The following MTA3 variants were observed in gnomAD, a reference collection of about 807,000 sequenced individuals.
MTA3 encodes metastasis associated 1 family member 3.
Under a neutral mutation model 83.5 loss-of-function variants are expected in MTA3, and 34 were observed. The observed-to-expected ratio is 0.41, with a 90% confidence interval of 0.31 to 0.54. The LOEUF (loss-of-function observed/expected upper bound fraction) is 0.54, where lower values mean the gene tolerates loss of function less well. Among genes scored for constraint, MTA3 ranks in the 20% least tolerant of loss-of-function variants. MTA3 has a pLI of 0.33. For missense variants in MTA3, 761 were observed against 726.4 expected, an observed-to-expected ratio of 1.05 and a Z score of -0.55; for synonymous variants, 303 against 252.7, an observed-to-expected ratio of 1.20 and a Z score of -1.89.
At chr2:42,719,859 A>G (rs1667281173) in intron 15 of MTA3, among the ~76,000 whole-genome samples, 1 of 152,226 alleles carries the variant, frequency 6.6e-6, no homozygotes, top group Non-Finnish European at 1.5e-5. Context: ...TTGTTTAAAC[A>G]AAGTTTTAAG....
intron 2 of MTA3, among the ~76,000 whole-genome samples, chr2:42,557,174 C>T (rs1677432846): frequency 6.6e-6 from 1 of 152,034 alleles, no homozygotes; most frequent in Non-Finnish European, 1.5e-5. Context: ...ACACAGGAGG[C>T]GGAGGTTGCA....
chr2:42,631,774 C>G (rs1368799139), intron 4 of MTA3, among the ~76,000 whole-genome samples: 1 of 152,102 alleles, frequency 6.6e-6, no homozygotes, highest in Non-Finnish European at 1.5e-5. Flanking sequence ...ATTGCAACCT[C>G]CACCTCCTGA....
At chr2:42,614,086 A>G (rs1356796982) in intron 4 of MTA3, 2 of 152,114 alleles carry the variant, frequency 1.3e-5, no homozygotes, top group Non-Finnish European at 2.9e-5. Context: ...ATGACTTAAT[A>G]TCTTCATTAA....
At chr2:42,602,883 G>A (rs762250839) in intron 3 of MTA3, among the ~76,000 whole-genome samples, 1 of 152,072 alleles carries the variant, frequency 6.6e-6, no homozygotes, top group South Asian at 2.1e-4. Flanking sequence ...TCTGGTGTCC[G>A]TTCAGACTGA....
intron 2 of MTA3, among the ~76,000 whole-genome samples, chr2:42,551,959 C>T (rs1459976394): frequency 6.6e-6 from 1 of 151,942 alleles, no homozygotes; most frequent in Admixed American, 6.6e-5. Context: ...ATCTCTTGAC[C>T]TCTTGATCCA....
chr2:42,691,065 T>C (rs995587064), intron 9 of MTA3, among the ~76,000 whole-genome samples: 1 of 151,852 alleles, frequency 6.6e-6, no homozygotes, highest in African/African-American at 2.4e-5. Flanking sequence ...TCAGTAGAAA[T>C]GGGGTTTCAC....
Position 42,638,705 on chromosome 2 carries a change from A to AT in MTA3, c.318-1453dup, listed in dbSNP as rs11367464. On this transcript the variant is annotated intron_variant, in intron 4 of 16. Coordinates refer to ENST00000405094, the MANE Select transcript of MTA3 (RefSeq NM_001330442.2). ...TGTTATGTGTGCTAAAGTGATGTTA[A>AT]TTTTTTTTTTTTTTTGCTTCACTAA... Among the ~76,000 whole-genome samples the AT allele has an allele frequency of 7.5e-3, 1,093 of 145,514 alleles. 13 individuals are homozygous for AT. The highest frequency in any genetic ancestry group is 0.023 in the African/African-American group (908 of 39,288).
At chr2:42,721,107 A>T (rs1013687937) in intron 15 of MTA3, among the ~76,000 whole-genome samples, 1 of 151,960 alleles carries the variant, frequency 6.6e-6, no homozygotes, top group African/African-American at 2.4e-5. Flanking sequence ...GCTGAACCAC[A>T]TCCCTACACA....
intron 4 of MTA3, among the ~76,000 whole-genome samples, chr2:42,620,067 G>A (rs1024019732): frequency 4.0e-5 from 6 of 150,712 alleles, no homozygotes; most frequent in Non-Finnish European, 7.4e-5. Flanking sequence ...CATTTAGCAC[G>A]TTGACAGTGT....
chr2:42,502,361 C>A lies in MTA3; in HGVS notation c.-141+7107C>A, dbSNP rs570248320. On this transcript the variant is annotated intron_variant, in intron 2 of 17. Transcript: ENST00000405592. Reference sequence around the variant, plus strand: ...CAGTTGTTAGTCCGCCATCTGAGGTCTGTGTGCCAGTGGATGTGTTTGGTG... The same window carrying A: ...CAGTTGTTAGTCCGCCATCTGAGGTATGTGTGCCAGTGGATGTGTTTGGTG... Among the ~76,000 whole-genome samples the A allele has an allele frequency of 5.7e-4, 86 of 152,136 alleles. 1 individual carries two copies. Among genetic ancestry groups the A allele is most frequent in the Admixed American group, 2.6e-4 (4 of 15,256 alleles).
chr2:42,617,461 T>C (rs145630258), intron 4 of MTA3, among the ~76,000 whole-genome samples: 14 of 152,334 alleles, frequency 9.2e-5, no homozygotes, highest in South Asian at 6.2e-4. Flanking sequence ...TTTATACTTA[T>C]AGTTTTCCTG....
At chr2:42,662,768 G>C (rs1689847179) in intron 8 of MTA3, among the ~76,000 whole-genome samples, 1 of 140,638 alleles carries the variant, frequency 7.1e-6, no homozygotes, top group Admixed American at 7.3e-5. Context: ...GTCTCGCCCT[G>C]TCGCCCAGGC....
chr2:42,530,889 G>C (rs1464169198), intron 2 of MTA3, among the ~76,000 whole-genome samples: 1 of 152,068 alleles, frequency 6.6e-6, no homozygotes, highest in Non-Finnish European at 1.5e-5. Flanking sequence ...GAGTGCAATG[G>C]CGCAATCTCA....
chr2:42,752,895 C>A (rs1296316338), intron 16 of MTA3, among the ~76,000 whole-genome samples: 1 of 151,792 alleles, frequency 6.6e-6, no homozygotes, highest in East Asian at 1.9e-4. Flanking sequence ...ATTAAACTTT[C>A]CCTTTGATCC....
At chr2:42,576,685 G>A (rs572519088) in intron 2 of MTA3, among the ~76,000 whole-genome samples, 1 of 152,184 alleles carries the variant, frequency 6.6e-6, no homozygotes, top group East Asian at 1.9e-4. Context: ...TGGATCACCT[G>A]AGAGGAGTCT....
At position 42,580,167 on chromosome 2, in the gene MTA3, G is replaced by C. The variant is rs149807023; in HGVS notation, c.190+967G>C. On this transcript the variant is annotated intron_variant, in intron 3 of 16. Transcript: ENST00000405094. ...TCCCTATGTTTCTCAGGCTGGTCTG[G>C]AACTCTTGGGCTCAAGTGATCCTCC... Among the ~76,000 whole-genome samples, 194 of 152,068 alleles carry C rather than the reference G, an allele frequency of 1.3e-3. 7 individuals carry two copies. In the East Asian group the frequency reaches 0.031, roughly 24 times the overall value.
intron 14 of MTA3, among the ~76,000 whole-genome samples, chr2:42,709,765 C>G (rs1666443425): frequency 6.6e-6 from 1 of 152,158 alleles, no homozygotes; most frequent in South Asian, 2.1e-4. Flanking sequence ...GTTGAGCAGC[C>G]TGTTTGTCCA....
rs545184805 is a variant in MTA3 at position 42,551,200 on chromosome 2, T to G, written c.-140-19237T>G. 7.6e-4 allele frequency among the ~76,000 whole-genome samples: 115 copies of G among 152,260 alleles called. 1 individual carries two copies. Among genetic ancestry groups the G allele is most frequent in the African/African-American group, 2.7e-3 (111 of 41,558 alleles). On this transcript the variant is annotated intron_variant, in intron 2 of 17. Transcript: ENST00000405592. ...TTCTTTTTTTTTTTTGTTTGTTTGT[T>G]TGTTTTTTGAGACGAAGTCTTGCTC...
Position 42,548,823 on chromosome 2 carries a change from A to AT in MTA3, c.-140-21613dup, listed in dbSNP as rs1184859052. 4.4e-4 allele frequency among the ~76,000 whole-genome samples: 9 copies of AT among 20,370 alleles called. 1 individual carries two copies. Among genetic ancestry groups the AT allele is most frequent in the African/African-American group, 1.0e-3 (8 of 7,738 alleles). 13.4% of individuals were successfully genotyped at this position (20,370 alleles called of 152,430 possible). A position where few individuals can be genotyped will look rare whatever the true frequency, so the allele number is the denominator to read the frequency against. On this transcript the variant is annotated intron_variant, in intron 2 of 17. Transcript: ENST00000405592. ...GTCTCAAAAAAAAATATATATATAT[A>AT]TATATAATATATATATATATATAAT...
Sources: gnomAD v4.1 joint callset for allele counts (sites outside exome capture counted in the v4.1 genomes callset) on GRCh38, gnomAD v4.1.1 for gene constraint, MANE v1.5 for transcripts, NCBI Gene and HGNC (gene_info 2026-07-23, HGNC 2026-07-21) for gene names.